Variants in KAZN observed in about 807,000 individuals in gnomAD.
KAZN encodes kazrin.
KAZN carries 40 observed loss-of-function variants against 87.4 expected under a neutral mutation model. The ratio of observed to expected loss-of-function variants is 0.46; its 90% confidence interval spans 0.36 to 0.60. The LOEUF is 0.60. Ranked by LOEUF, KAZN falls within the 20% of genes least tolerant of loss-of-function variation. The pLI, the probability that KAZN is intolerant of heterozygous loss-of-function variation, is 0.00. For synonymous variants in KAZN, 466 were observed against 458.3 expected (o/e 1.02, Z -0.22); for missense variants, 898 against 1,073.9 (o/e 0.84, Z 2.29).
chr1:14,071,211 C>T (rs1431617881), intron 1 of KAZN, among the ~76,000 whole-genome samples: 1 of 152,126 alleles, frequency 6.6e-6, no homozygotes, highest in Non-Finnish European at 1.5e-5. Flanking sequence ...TCACTCTTGC[C>T]TGCAGTTAAA....
At position 14,111,740 on chromosome 1, in the gene KAZN, C is replaced by CTTT. The variant is rs68167208; in HGVS notation, c.92-68680_92-68678dup. 5.0e-3 allele frequency among the ~76,000 whole-genome samples: 405 copies of CTTT among 80,778 alleles called. 55 individuals carry two copies. Among genetic ancestry groups the CTTT allele is most frequent in the African/African-American group, 0.021 (385 of 18,740 alleles). The allele number at this position is 80,778 out of a possible 152,430, so 53.0% of individuals were successfully genotyped here. A position where few individuals can be genotyped will look rare whatever the true frequency, so the allele number is the denominator to read the frequency against. On this transcript the variant is annotated intron_variant, in intron 1 of 16. Transcript: ENST00000636203. ...CCCAACCCTTTGCCTAGATTCTTTT[C>CTTT]TTTTTTTTTTTTTTTTTGAGGTGGA...
intron 1 of KAZN, among the ~76,000 whole-genome samples, chr1:14,750,442 T>C (rs770991110): frequency 5.3e-5 from 8 of 152,176 alleles, no homozygotes; most frequent in Non-Finnish European, 1.0e-4. Flanking sequence ...CTATTCCAGG[T>C]ACGAACACTG....
chr1:13,954,961 C>T (rs1403189445), intron 1 of KAZN, among the ~76,000 whole-genome samples: 1 of 152,136 alleles, frequency 6.6e-6, no homozygotes, highest in African/African-American at 2.4e-5. Flanking sequence ...AGCTCCAATT[C>T]GTCTTAGGCT....
At chr1:14,297,934 T>C (rs1042367181) in intron 2 of KAZN, among the ~76,000 whole-genome samples, 5 of 151,954 alleles carry the variant, frequency 3.3e-5, no homozygotes, top group African/African-American at 1.2e-4. Context: ...AATAGAAAAT[T>C]GGTTAAATTG....
At chr1:14,298,296 A>T (rs1191024833) in intron 2 of KAZN, among the ~76,000 whole-genome samples, 1 of 152,178 alleles carries the variant, frequency 6.6e-6, no homozygotes, top group East Asian at 1.9e-4. Flanking sequence ...CCTCTAAATC[A>T]TCCAAAAATC....
intron 1 of KAZN, among the ~76,000 whole-genome samples, chr1:14,682,386 C>T (rs1194254978): frequency 6.6e-6 from 1 of 151,574 alleles, no homozygotes; most frequent in Non-Finnish European, 1.5e-5. Context: ...CTCCTGGGCT[C>T]AAGCAATCCT....
chr1:14,115,578 C>CCT (rs147959742), intron 1 of KAZN, among the ~76,000 whole-genome samples: 19,378 of 152,250 alleles, frequency 0.13, 1,885 homozygotes, highest in African/African-American at 0.27. Flanking sequence ...TCCATTAAAA[C>CCT]CTTTTACTTC....
rs200509529 is a variant in KAZN at position 15,094,350 on chromosome 1, G to A, written c.1393G>A (p.Val465Ile). 182 of 1,613,762 alleles carry A rather than the reference G, an allele frequency of 1.1e-4. No homozygotes were observed. The highest frequency in any genetic ancestry group is 1.6e-4 in the Middle Eastern group (1 of 6,062). Residue 465 changes from valine (V) to isoleucine (I), a missense_variant, in exon 9 of 15, where the codon GTC becomes ATC. Coordinates refer to ENST00000376030, the MANE Select transcript of KAZN (RefSeq NM_201628.3). This position sits in a 1 kb window ranked among gnomAD's most constrained non-coding sequence, Gnocchi z 4.5. ...GGTGGTGATGGCCATGCCTATGTACGTCAAGGCCTGCACGGAGAACGTGAA... is the reference window on the plus strand; with the variant it reads ...GGTGGTGATGGCCATGCCTATGTACATCAAGGCCTGCACGGAGAACGTGAA... ...LEVVMAMPMYVKACTENVKSG... is the reference protein window; with the variant it reads ...LEVVMAMPMYIKACTENVKSG...
At chr1:14,386,992 T>C (rs1177238197) in intron 2 of KAZN, among the ~76,000 whole-genome samples, 1 of 152,188 alleles carries the variant, frequency 6.6e-6, no homozygotes, top group Non-Finnish European at 1.5e-5. Flanking sequence ...GTCCCATATT[T>C]CTTGGGAGGC....
chr1:14,502,839 A>G (rs1670334597), intron 2 of KAZN, among the ~76,000 whole-genome samples: 1 of 152,026 alleles, frequency 6.6e-6, no homozygotes. Flanking sequence ...CCATCCTCCC[A>G]CTAACTTTAT....
At chr1:15,041,557 G>A (rs12134789) in intron 3 of KAZN, among the ~76,000 whole-genome samples, 32,418 of 151,432 alleles carry the variant, frequency 0.21, 3,684 homozygotes, top group Non-Finnish European at 0.26. Flanking sequence ...GGCTGGTCTC[G>A]AACTCTCGAC....
intron 2 of KAZN, among the ~76,000 whole-genome samples, chr1:14,417,682 C>T (rs919117623): frequency 3.3e-5 from 5 of 152,022 alleles, no homozygotes; most frequent in African/African-American, 1.2e-4. Context: ...AAAAGACTGT[C>T]ATCTGAAATT....
At chr1:15,065,225 A>G (rs1333852123) in intron 7 of KAZN, among the ~76,000 whole-genome samples, 1 of 151,658 alleles carries the variant, frequency 6.6e-6, no homozygotes, top group Non-Finnish European at 1.5e-5. Flanking sequence ...ACAGGGTTTC[A>G]CCATGTTTGC....
At chr1:14,000,792 TTTG>T (rs1325382717) in intron 1 of KAZN, among the ~76,000 whole-genome samples, 2 of 151,554 alleles carry the variant, frequency 1.3e-5, no homozygotes, top group Non-Finnish European at 2.9e-5. Context: ...ATTTTTTTTG[TTTG>T]TTTTTGAGAC....
Position 15,071,482 on chromosome 1 carries a change from T to G in KAZN, c.1222+5729T>G, listed in dbSNP as rs1275147287. On this transcript the variant is annotated intron_variant, in intron 8 of 14. Transcript: ENST00000376030. ...GTTGGCCAGGCTGATTTTGAACGCCTGACCTCAGGTGATCCACCCACCTTG... is the reference window on the plus strand; with the variant it reads ...GTTGGCCAGGCTGATTTTGAACGCCGGACCTCAGGTGATCCACCCACCTTG... Among the ~76,000 whole-genome samples, 7 of 152,300 alleles carry G rather than the reference T, an allele frequency of 4.6e-5. No homozygotes were observed. The South Asian group carries it at 1.0e-3, about 23-fold the overall frequency.
At chr1:15,104,821 C>T (rs1411151292) in intron 13 of KAZN, among the ~76,000 whole-genome samples, 1 of 152,168 alleles carries the variant, frequency 6.6e-6, no homozygotes, top group African/African-American at 2.4e-5. Context: ...CTGGCAATGT[C>T]AAGAGATCAG....
At chr1:14,256,114 A>G (rs1650491657) in intron 2 of KAZN, among the ~76,000 whole-genome samples, 1 of 152,162 alleles carries the variant, frequency 6.6e-6, no homozygotes, top group South Asian at 2.1e-4. Context: ...TTTTTTGCTA[A>G]TATCAAAACC....
At chr1:14,423,866 G>A (rs755864454) in intron 2 of KAZN, among the ~76,000 whole-genome samples, 9 of 152,208 alleles carry the variant, frequency 5.9e-5, no homozygotes, top group African/African-American at 9.7e-5. Flanking sequence ...TAGAGACAAT[G>A]TAAGGCTGGG....
chr1:14,846,114 G>A (rs886937565), intron 1 of KAZN, among the ~76,000 whole-genome samples: 3 of 152,204 alleles, frequency 2.0e-5, no homozygotes, highest in African/African-American at 7.2e-5. Context: ...CCCTATACTT[G>A]GAAGTCACCA....
Sources: allele counts gnomAD v4.1 joint callset (sites outside exome capture counted in the v4.1 genomes callset), GRCh38; gene constraint gnomAD v4.1.1; non-coding constraint Gnocchi (gnomAD v3.1); transcripts MANE v1.5; gene names NCBI Gene and HGNC (gene_info 2026-07-23, HGNC 2026-07-21).